Variants in CRISPLD1 observed in about 807,000 individuals in gnomAD.
CRISPLD1 encodes the protein cysteine-rich secretory protein LCCL domain-containing 1.
In CRISPLD1, 60 loss-of-function variants were observed where a neutral mutation model predicts 77.5. That is an observed-to-expected ratio of 0.77 (90% CI 0.63 to 0.96). The LOEUF is 0.96. Ranked by LOEUF, CRISPLD1 falls within the 40% of genes least tolerant of loss-of-function variation. The pLI is 0.00. For missense variants in CRISPLD1, 623 were observed against 615.8 expected (o/e 1.01, Z -0.12); for synonymous variants, 195 against 200.1 (o/e 0.97, Z 0.22).
chr8:75,022,646 ATAT>A lies in CRISPLD1; in HGVS notation c.1244+2572_1244+2574del, dbSNP rs1563402144. Among the ~76,000 whole-genome samples, 4 of 151,900 alleles carry A rather than the reference ATAT, an allele frequency of 2.6e-5. No individual in the cohort carries two copies. In the South Asian group the frequency reaches 8.3e-4, roughly 31 times the overall value. ...TAGTTTCATAAACTGGGTTATAATG[ATAT>A]TATTTATATGACAGGTTATAACTTT... On this transcript the variant is annotated intron_variant, in intron 12 of 14. Transcript: ENST00000262207.
chr8:74,998,427 C>T (rs1033062899), intron 2 of CRISPLD1, among the ~76,000 whole-genome samples: 11 of 152,026 alleles, frequency 7.2e-5, no homozygotes, highest in Admixed American at 2.6e-4. Context: ...GCTCATACCA[C>T]GGCCGGTAAT....
intron 2 of CRISPLD1, among the ~76,000 whole-genome samples, chr8:75,006,927 G>A (rs541331147): frequency 8.3e-4 from 126 of 152,032 alleles, no homozygotes; most frequent in African/African-American, 3.0e-3. Context: ...ATCCTTTAAT[G>A]TAATCCAAAA....
chr8:75,032,196 A>G lies in CRISPLD1; in HGVS notation c.1457A>G (p.Gln486Arg). ...FQNGIFSESL[Q>R]NPPGGKAFRV... ...TATATTTTTTTTTTTTGCAGTTTAC[A>G]GAATCCTCCAGGAGGAAAGGCATTC... Residue 486 changes from glutamine (Q) to arginine (R), a missense_variant, in exon 15 of 15, where the codon CAG (glutamine) becomes CGG (arginine). Gln to Arg is a conservative substitution (Grantham distance 43, BLOSUM62 1). Coordinates refer to ENST00000262207, the MANE Select transcript of CRISPLD1 (RefSeq NM_031461.6). The G allele has an allele frequency of 6.2e-7, 1 of 1,605,004 alleles. No homozygotes were observed. The highest frequency in any genetic ancestry group is 8.5e-7 in the Non-Finnish European group (1 of 1,174,486).
Position 74,986,206 on chromosome 8 carries a change from AAGTCAGGTGTATCCAAC to A in CRISPLD1, c.222_238del (p.Gln75LeufsTer2). On this transcript the variant is annotated frameshift_variant, in exon 2 of 15. Transcript: ENST00000262207. LOFTEE classifies it high-confidence loss of function. ...TTTTGGACCTTCATAATAAATTACG[AAGTCAGGTGTATCCAAC>A]AGCCTCTAATATGGAGTATATGGTA... The A allele has an allele frequency of 1.9e-6, 3 of 1,614,166 alleles. No homozygotes were observed. The highest frequency in any genetic ancestry group is 2.5e-6 in the Non-Finnish European group (3 of 1,179,998).
intron 2 of CRISPLD1, among the ~76,000 whole-genome samples, chr8:74,989,541 GTT>G (rs3033047): frequency 0.014 from 2,127 of 147,546 alleles, 42 homozygotes; most frequent in African/African-American, 0.049. Flanking sequence ...CCATTTTTAT[GTT>G]TTTTTTTTTT....
intron 13 of CRISPLD1, among the ~76,000 whole-genome samples, chr8:75,028,333 C>T (rs1394567060): frequency 6.6e-6 from 1 of 151,950 alleles, no homozygotes; most frequent in Non-Finnish European, 1.5e-5. Context: ...AGTAATAATG[C>T]AAGGTCATGT....
chr8:75,016,485 T>A, intron 6 of CRISPLD1, 80 bp from the exon 7 acceptor site: 1 of 1,299,100 alleles, frequency 7.7e-7, no homozygotes, highest in Non-Finnish European at 1.1e-6. Flanking sequence ...TAAATAGGAG[T>A]ATTAAAGTAT....
At chr8:75,017,225 T>G in intron 9 of CRISPLD1, 95 bp from the exon 10 acceptor site, 1 of 1,544,586 alleles carries the variant, frequency 6.5e-7, no homozygotes, top group Middle Eastern at 1.9e-4. Flanking sequence ...TCAGAAATGT[T>G]TATTTAATTG....
intron 14 of CRISPLD1, among the ~76,000 whole-genome samples, chr8:75,031,262 A>T (rs1440782468): frequency 6.6e-6 from 1 of 152,054 alleles, no homozygotes; most frequent in Non-Finnish European, 1.5e-5. Flanking sequence ...TCTTGTATGA[A>T]TAAATATATA....
intron 2 of CRISPLD1, among the ~76,000 whole-genome samples, chr8:75,003,032 C>T (rs183577536): frequency 6.6e-6 from 1 of 152,258 alleles, no homozygotes; most frequent in East Asian, 1.9e-4. Flanking sequence ...CTTAAACCAG[C>T]TTTGAGCTTC....
rs758552227 is a variant in CRISPLD1, at chr8:75,012,413, G to C, written c.259-20G>C. Reference sequence around the variant, plus strand: ...TCCAAATGCTACATGTGCACATTTTGCTTTTGTTTTAAACTGTAGACATGG... The same window carrying C: ...TCCAAATGCTACATGTGCACATTTTCCTTTTGTTTTAAACTGTAGACATGG... On this transcript the variant is annotated intron_variant, in intron 2 of 14. Coordinates refer to ENST00000262207, the MANE Select transcript of CRISPLD1 (RefSeq NM_031461.6). 1 of 1,450,664 alleles carries C rather than the reference G, an allele frequency of 6.9e-7. No individual in the cohort carries two copies. The highest frequency in any genetic ancestry group is 9.7e-7 in the Non-Finnish European group (1 of 1,031,336). The allele number at this position is 1,450,664 out of a possible 1,614,324, so 89.9% of individuals were successfully genotyped here.
chr8:75,006,742 T>G (rs1292207287), intron 2 of CRISPLD1, among the ~76,000 whole-genome samples: 1 of 152,070 alleles, frequency 6.6e-6, no homozygotes, highest in Non-Finnish European at 1.5e-5. Flanking sequence ...GTAAAACTAC[T>G]TAACAAATTC....
intron 2 of CRISPLD1, among the ~76,000 whole-genome samples, 168 bp from the exon 3 acceptor site, chr8:75,012,265 G>A (rs1338003330): frequency 2.6e-5 from 4 of 152,100 alleles, no homozygotes; most frequent in African/African-American, 4.8e-5. Context: ...GATTGATTTG[G>A]AGGCCAGTGC....
chr8:75,012,586 A>T (rs891459029), intron 3 of CRISPLD1, 35 bp downstream of exon 3: 1 of 1,345,756 alleles, frequency 7.4e-7, no homozygotes, highest in Middle Eastern at 1.8e-4. Flanking sequence ...TTATGAAAAA[A>T]TAAGTGTTTA....
chr8:75,006,383 A>G (rs1264419104), intron 2 of CRISPLD1, among the ~76,000 whole-genome samples: 28 of 152,144 alleles, frequency 1.8e-4, no homozygotes, highest in Admixed American at 1.8e-3. Context: ...TATATTATCT[A>G]TACTATGTAA....
intron 2 of CRISPLD1, among the ~76,000 whole-genome samples, chr8:75,001,671 C>A (rs1437314669): frequency 6.6e-6 from 1 of 152,116 alleles, no homozygotes; most frequent in Non-Finnish European, 1.5e-5. Flanking sequence ...ATGTGTCCAG[C>A]TGATTCAATG....
At chr8:74,985,218 G>A (rs914445254) in intron 1 of CRISPLD1, among the ~76,000 whole-genome samples, 6 of 152,080 alleles carry the variant, frequency 3.9e-5, no homozygotes, top group Admixed American at 3.9e-4. Context: ...CAAGTTGCCG[G>A]GGAGCTGCTG....
In CRISPLD1 at chr8:74,998,280, CATT is replaced by C. The variant is rs559056700; in HGVS notation, c.258+12038_258+12040del. Among the ~76,000 whole-genome samples the C allele has an allele frequency of 2.4e-4, 37 of 152,072 alleles. No homozygotes were observed. The South Asian group carries it at 4.2e-3, about 17-fold the overall frequency. ...GAAAGAAGGGGGTTTGAGGATAGGA[CATT>C]ATGAAAAAATAGTAGTTTTGGAGAA... On this transcript the variant is annotated intron_variant, in intron 2 of 14. Transcript: ENST00000262207.
At chr8:75,005,680 A>T (rs955690393) in intron 2 of CRISPLD1, among the ~76,000 whole-genome samples, 15 of 152,156 alleles carry the variant, frequency 9.9e-5, no homozygotes, top group Non-Finnish European at 2.9e-5. Context: ...TGCTTTTCTG[A>T]GTTAAGCATG....
Sources: gnomAD v4.1 joint callset for allele counts (sites outside exome capture counted in the v4.1 genomes callset) on GRCh38, gnomAD v4.1.1 for gene constraint, MANE v1.5 for transcripts, NCBI Gene and HGNC (gene_info 2026-07-23, HGNC 2026-07-21) for gene names.